Variants in STAT5B observed in about 807,000 individuals in gnomAD.
The protein encoded by STAT5B is signal transducer and activator of transcription 5B.
A neutral mutation model predicts 107.8 loss-of-function variants in STAT5B; 21 were observed. The observed-to-expected ratio is 0.19, with a 90% CI of 0.14 to 0.28. STAT5B has a LOEUF of 0.28. STAT5B is among the 10% of genes least tolerant of loss of function. The pLI, the probability that STAT5B is intolerant of heterozygous loss-of-function variation, is 1.00. For synonymous variants in STAT5B, 325 were observed against 401.7 expected, an observed-to-expected ratio of 0.81 and a Z score of 2.28; for missense variants, 565 against 1,008.2, an observed-to-expected ratio of 0.56 and a Z score of 5.95.
intron 1 of STAT5B, chr17:42,268,571 A>T (rs2080694528): frequency 6.6e-6 from 1 of 152,194 alleles, no homozygotes; most frequent in Non-Finnish European, 1.5e-5. Context: ...CTTACATATT[A>T]AACCTTCCAT....
In STAT5B at chr17:42,201,825, C is replaced by T. The variant is rs1049897731; in HGVS notation, c.2277G>A (p.Leu759=). The change falls in exon 19 of 19, where the codon CTG becomes CTA. Residue 759 remains leucine (L), a synonymous_variant. Coordinates refer to ENST00000293328, the MANE Select transcript of STAT5B (RefSeq NM_012448.4). The part of the protein sequence containing the change: ...SVLDTDGDFD[L]EDTMDVARRV... ...GCCGCGCTACGTCCATTGTGTCCTCCAGATCGAAGTCCCCATCGGTGTCAA... is the reference window on the plus strand; with the variant it reads ...GCCGCGCTACGTCCATTGTGTCCTCTAGATCGAAGTCCCCATCGGTGTCAA... The T allele has an allele frequency of 1.9e-6, 3 of 1,614,012 alleles. No individual in the cohort carries two copies. Among genetic ancestry groups the T allele is most frequent in the East Asian group, 2.2e-5 (1 of 44,866 alleles).
intron 4 of STAT5B, 126 bp downstream of exon 4, chr17:42,224,653 G>A (rs1174998767): frequency 2.2e-5 from 21 of 940,516 alleles, no homozygotes; most frequent in Non-Finnish European, 3.0e-5. Context: ...GTGCCCCTTA[G>A]GATGAAGCTC....
rs1295288838 is a variant in STAT5B at position 42,273,161 on chromosome 17, T to C, written c.-11+3087A>G. On this transcript the variant is annotated intron_variant, in intron 1 of 18. Coordinates refer to ENST00000293328, the MANE Select transcript of STAT5B (RefSeq NM_012448.4). ...ATCAATGGAAACTAGATTGTTAAGT[T>C]TGACTTTCTTATTCCCAGAAATAAG... Among the ~76,000 whole-genome samples, 3 of 152,308 alleles carry C rather than the reference T, an allele frequency of 2.0e-5. No homozygotes were observed. The South Asian group carries it at 6.2e-4, about 32-fold the overall frequency.
intron 5 of STAT5B, among the ~76,000 whole-genome samples, chr17:42,221,055 CT>C (rs2080222070): frequency 6.6e-6 from 1 of 152,134 alleles, no homozygotes; most frequent in Non-Finnish European, 1.5e-5. Flanking sequence ...TGGCTGGCCC[CT>C]GAGGGCCACG....
In STAT5B at chr17:42,223,574, G is replaced by C. The variant is rs916003855; in HGVS notation, c.376-18C>G. 1 of 1,612,158 alleles carries C rather than the reference G, an allele frequency of 6.2e-7. No individual in the cohort carries two copies. Among genetic ancestry groups the C allele is most frequent in the African/African-American group, 1.3e-5 (1 of 74,840 alleles). On this transcript the variant is annotated intron_variant, in intron 4 of 18. Coordinates refer to ENST00000293328, the MANE Select transcript of STAT5B (RefSeq NM_012448.4). The stretch of plus-strand genomic sequence containing the variant: ...GAGCTACCCTGGGAACATATGGGGG[G>C]CAGTGCAAGGCAGTGCGAATGGGAG...
rs555369274 is a variant in STAT5B, at chr17:42,209,045, T to C, written c.1906+1126A>G. On this transcript the variant is annotated intron_variant, in intron 15 of 18. Coordinates refer to ENST00000293328, the MANE Select transcript of STAT5B (RefSeq NM_012448.4). ...ACCGCACCCAGCCTTTTTTTTTTTT[T>C]CTTTTAAGAGACAGGGTCTTACTCT... is the stretch of plus-strand genomic sequence containing the variant. 1.8e-3 allele frequency among the ~76,000 whole-genome samples: 245 copies of C among 134,482 alleles called. 2 individuals are homozygous for C. The highest frequency in any genetic ancestry group is 6.7e-3 in the African/African-American group (236 of 35,114). The allele number at this position is 134,482 out of a possible 152,430, so 88.2% of individuals were successfully genotyped here. A position where few individuals can be genotyped will look rare whatever the true frequency, so the allele number is the denominator to read the frequency against.
chr17:42,284,731 C>G, the STAT5B span, among the ~76,000 whole-genome samples: 1 of 152,204 alleles, frequency 6.6e-6, no homozygotes, highest in East Asian at 1.9e-4. Flanking sequence ...CCAGGGAGGC[C>G]TCTTCACTCC....
At chr17:42,245,815 C>T (rs975575810) in intron 1 of STAT5B, among the ~76,000 whole-genome samples, 6 of 152,086 alleles carry the variant, frequency 3.9e-5, no homozygotes, top group Non-Finnish European at 8.8e-5. Context: ...TGAGCCACCC[C>T]GCCCAGCCCT....
intron 1 of STAT5B, among the ~76,000 whole-genome samples, chr17:42,243,801 T>C (rs892295729): frequency 6.6e-6 from 1 of 152,184 alleles, no homozygotes; most frequent in Non-Finnish European, 1.5e-5. Flanking sequence ...CTGGACTTCT[T>C]AGGCGTTGTG....
chr17:42,204,299 G>T (rs983724991), intron 16 of STAT5B, among the ~76,000 whole-genome samples: 1 of 152,172 alleles, frequency 6.6e-6, no homozygotes, highest in Admixed American at 6.6e-5. Flanking sequence ...AGGTAAGCAG[G>T]TGGTAAGAAT....
intron 5 of STAT5B, among the ~76,000 whole-genome samples, chr17:42,221,916 CTGTG>C (rs937506730): frequency 2.8e-5 from 4 of 142,232 alleles, no homozygotes; most frequent in Non-Finnish European, 6.1e-5. Context: ...TGTGTGTGTG[CTGTG>C]TGTCTATGTG....
chr17:42,245,949 A>G (rs2080448483), intron 1 of STAT5B, among the ~76,000 whole-genome samples: 1 of 152,226 alleles, frequency 6.6e-6, no homozygotes, highest in Admixed American at 6.5e-5. Context: ...GTGAGCCATC[A>G]CACCTGGCCT....
intron 1 of STAT5B, among the ~76,000 whole-genome samples, chr17:42,262,970 G>GTATGTATATA (rs2080626842): frequency 9.6e-5 from 2 of 20,930 alleles, no homozygotes; most frequent in Non-Finnish European, 1.7e-4. Flanking sequence ...GTGTGTGTGT[G>GTATGTATATA]TATATATATA....
At chr17:42,232,245 ATTTATT>A (rs1386830742) in intron 1 of STAT5B, 108 bp from the exon 2 acceptor site, 28 of 1,155,824 alleles carry the variant, frequency 2.4e-5, no homozygotes, top group Middle Eastern at 3.2e-4. Flanking sequence ...TTATTTTATT[ATTTATT>A]TTTATTTTTA....
chr17:42,210,568 TGGAAA>T, intron 13 of STAT5B, 71 bp from the exon 14 acceptor site: 7 of 1,381,680 alleles, frequency 5.1e-6, no homozygotes, highest in African/African-American at 1.4e-5. Flanking sequence ...CATATTTAAT[TGGAAA>T]AATTAAATGG....
the STAT5B span, among the ~76,000 whole-genome samples, chr17:42,282,919 G>A: frequency 6.6e-6 from 1 of 152,202 alleles, no homozygotes; most frequent in African/African-American, 2.4e-5. Flanking sequence ...GCCAGCGTAA[G>A]GGGAAAAGCC....
At chr17:42,218,062 G>A (rs1249620133) in intron 9 of STAT5B, 89 bp downstream of exon 9, 1 of 1,552,270 alleles carries the variant, frequency 6.4e-7, no homozygotes, top group African/African-American at 1.4e-5. Context: ...AGGGCAAACA[G>A]GGATCTGACA....
rs545402085 is a variant in STAT5B at position 42,222,959 on chromosome 17, C to T, written c.550+423G>A. ...TCAGCCTCCCAAAGTGCTGGGATTA[C>T]AGGTGTGAGCCACCGTGCCCAGCCA... On this transcript the variant is annotated intron_variant, in intron 5 of 18. Coordinates refer to ENST00000293328, the MANE Select transcript of STAT5B (RefSeq NM_012448.4). 3.9e-5 allele frequency among the ~76,000 whole-genome samples: 6 copies of T among 152,282 alleles called. No individual in the cohort carries two copies. The South Asian group carries it at 1.2e-3, about 32-fold the overall frequency.
At chr17:42,206,282 G>C (rs1260271178) in intron 16 of STAT5B, among the ~76,000 whole-genome samples, 1 of 152,106 alleles carries the variant, frequency 6.6e-6, no homozygotes, top group Non-Finnish European at 1.5e-5. Context: ...TAGAGATGGG[G>C]TTTCACCATG....
Sources: gnomAD v4.1 joint callset for allele counts (sites outside exome capture counted in the v4.1 genomes callset) on GRCh38, gnomAD v4.1.1 for gene constraint, MANE v1.5 for transcripts, NCBI Gene and HGNC (gene_info 2026-07-23, HGNC 2026-07-21) for gene names.